RANBP3: variants seen among roughly 807,000 people sequenced by gnomAD.
The protein encoded by RANBP3 is ran-binding protein 3.
Under a neutral mutation model 77.3 loss-of-function variants are expected in RANBP3, and 14 were observed. That is an observed-to-expected ratio of 0.18 (90% CI 0.12 to 0.28). The LOEUF (loss-of-function observed/expected upper bound fraction) is 0.28, where lower values mean the gene tolerates loss of function less well. RANBP3 is among the 10% of genes least tolerant of loss of function. The pLI is 1.00. For synonymous variants in RANBP3, 315 were observed against 312.4 expected (o/e 1.01, Z -0.09); for missense variants, 586 against 752.3 (o/e 0.78, Z 2.59).
chr19:5,940,728 C>A (rs1235299083), intron 5 of RANBP3, among the ~76,000 whole-genome samples: 1 of 152,202 alleles, frequency 6.6e-6, no homozygotes, highest in Non-Finnish European at 1.5e-5. Context: ...AACCAGAGAA[C>A]CTGTCTAAAC....
At chr19:5,935,024 G>A (rs12976797) in intron 5 of RANBP3, among the ~76,000 whole-genome samples, 3,010 of 152,288 alleles carry the variant, frequency 0.02, 43 homozygotes, top group Non-Finnish European at 0.032. Context: ...TTTTTGGGAT[G>A]ATGGAAATGT....
At chr19:5,919,324 C>T (rs183627501) in intron 14 of RANBP3, among the ~76,000 whole-genome samples, 37 of 152,318 alleles carry the variant, frequency 2.4e-4, no homozygotes, top group Admixed American at 5.9e-4. Context: ...TCCTGCCAGC[C>T]GCCTCTCCCC....
At chr19:5,955,837 C>T (rs1451660810) in intron 2 of RANBP3, among the ~76,000 whole-genome samples, 2 of 152,206 alleles carry the variant, frequency 1.3e-5, no homozygotes, top group South Asian at 2.1e-4. Flanking sequence ...CTTGTTGGCT[C>T]ATGCCCACAA....
At chr19:5,934,520 T>C (rs2058038355) in intron 5 of RANBP3, 1 of 152,250 alleles carries the variant, frequency 6.6e-6, no homozygotes, top group Non-Finnish European at 1.5e-5. Context: ...TGGGAATACA[T>C]TTCACAAGAT....
intron 6 of RANBP3, chr19:5,932,799 G>C (rs1000333493): frequency 4.1e-6 from 2 of 493,758 alleles, no homozygotes; most frequent in African/African-American, 4.0e-5. Flanking sequence ...GTAACGTGGC[G>C]GGGCGCCGGC....
At chr19:5,960,983 C>A (rs1376273991) in intron 1 of RANBP3, among the ~76,000 whole-genome samples, 1 of 152,216 alleles carries the variant, frequency 6.6e-6, no homozygotes, top group Non-Finnish European at 1.5e-5. Context: ...GAACAGAAAG[C>A]CAGGGTGGAG....
intron 5 of RANBP3, among the ~76,000 whole-genome samples, chr19:5,937,055 CCAAA>C (rs1307145754): frequency 1.5e-3 from 11 of 7,156 alleles, no homozygotes; most frequent in African/African-American, 8.4e-3. Flanking sequence ...GACTCTGTCT[CCAAA>C]AAAAAAAAAA....
At chr19:5,922,321 T>C (rs2057832508) in intron 13 of RANBP3, among the ~76,000 whole-genome samples, 1 of 152,178 alleles carries the variant, frequency 6.6e-6, no homozygotes, top group Non-Finnish European at 1.5e-5. Context: ...TCTTTCAACA[T>C]GAACAGATGA....
rs2057751006 is a variant in RANBP3 at position 5,917,286 on chromosome 19, C to CA, written c.*323dup. 2.4e-6 allele frequency: 1 copy of CA among 408,930 alleles called. No individual in the cohort carries two copies. Among genetic ancestry groups the CA allele is most frequent in the African/African-American group, 2.1e-5 (1 of 47,986 alleles). 25.3% of individuals were successfully genotyped at this position (408,930 alleles called of 1,614,324 possible). A position where few individuals can be genotyped will look rare whatever the true frequency, so the allele number is the denominator to read the frequency against. ...TCTGGCTGGACCCAGAGGCTGGCGACACGCGGGGTGAAGGAACGAGGTCTC... is the reference window on the plus strand; with the variant it reads ...TCTGGCTGGACCCAGAGGCTGGCGACAACGCGGGGTGAAGGAACGAGGTCTC... On this transcript the variant is annotated 3_prime_UTR_variant, in exon 17 of 17. Transcript: ENST00000340578.
In RANBP3 at chr19:5,917,403, A is replaced by G. The variant is rs2057752532; in HGVS notation, c.*207T>C. Reference sequence around the variant, plus strand: ...AATGTTCTTGTTTGTTCGCTCATCAATATGATGAGGTCTCGTGTCCCAAAC... The same window carrying G: ...AATGTTCTTGTTTGTTCGCTCATCAGTATGATGAGGTCTCGTGTCCCAAAC... On this transcript the variant is annotated 3_prime_UTR_variant, in exon 17 of 17. Coordinates refer to ENST00000340578, the MANE Select transcript of RANBP3 (RefSeq NM_007322.3). 1.8e-6 allele frequency: 1 copy of G among 552,678 alleles called. No homozygotes were observed. Among genetic ancestry groups the G allele is most frequent in the African/African-American group, 1.9e-5 (1 of 52,790 alleles). 34.2% of individuals were successfully genotyped at this position (552,678 alleles called of 1,614,324 possible). A position where few individuals can be genotyped will look rare whatever the true frequency, so the allele number is the denominator to read the frequency against.
chr19:5,948,671 G>A (rs376400605), intron 3 of RANBP3, among the ~76,000 whole-genome samples: 23 of 152,322 alleles, frequency 1.5e-4, no homozygotes, highest in African/African-American at 5.1e-4. Flanking sequence ...AAAAGCAAGT[G>A]AGAGGTGGCT....
At chr19:5,923,344 C>T (rs577600549) in intron 12 of RANBP3, 41 bp from the exon 13 acceptor site, 56 of 1,583,672 alleles carry the variant, frequency 3.5e-5, no homozygotes, top group Middle Eastern at 1.7e-4. Context: ...GATTATTTGG[C>T]GAGAGGAGAG....
intron 15 of RANBP3, 109 bp downstream of exon 15, chr19:5,918,387 A>AGGGGGGGGGGGGGGGGCGGGGGGGGGGG: frequency 1.9e-6 from 1 of 529,920 alleles, no homozygotes; most frequent in Non-Finnish European, 3.0e-6. Context: ...AAGCAACTGA[A>AGGGGGGGGGGGGGGGGCGGGGGGGGGGG]GCCCCTCCCC....
At chr19:5,971,967 T>C (rs1023636518) in intron 1 of RANBP3, among the ~76,000 whole-genome samples, 64 of 152,246 alleles carry the variant, frequency 4.2e-4, no homozygotes, top group African/African-American at 1.5e-3. Context: ...TGTGCAAGAA[T>C]GCAGGCCAAG....
chr19:5,961,731 C>CACAAAACAAA (rs2058404741), intron 1 of RANBP3, among the ~76,000 whole-genome samples: 1 of 135,106 alleles, frequency 7.4e-6, no homozygotes, highest in African/African-American at 3.1e-5. Context: ...GAAACTCTGT[C>CACAAAACAAA]TCAAAACAAA....
intron 5 of RANBP3, among the ~76,000 whole-genome samples, chr19:5,938,427 C>T (rs1466412196): frequency 1.3e-5 from 2 of 152,150 alleles, no homozygotes; most frequent in Non-Finnish European, 2.9e-5. Context: ...TGGTGGCTCA[C>T]GCCTGTAATC....
At chr19:5,961,935 A>G (rs2058407945) in intron 1 of RANBP3, among the ~76,000 whole-genome samples, 2 of 151,550 alleles carry the variant, frequency 1.3e-5, no homozygotes, top group Non-Finnish European at 2.9e-5. Flanking sequence ...CACTACCAAG[A>G]GCGCGTGGTT....
In RANBP3 at chr19:5,925,711, G is replaced by A. The variant is rs772618343; in HGVS notation, c.840C>T (p.Ala280=). The part of the protein sequence containing the change: ...VKLINESVDE[A]DMENAGHPSA... ...TGGGGTGTCCAGCATTCTCCATGTCGGCTTCGTCCACGCTCTCATTTATCA... is the reference window on the plus strand; with the variant it reads ...TGGGGTGTCCAGCATTCTCCATGTCAGCTTCGTCCACGCTCTCATTTATCA... Residue 280 remains alanine (A), a synonymous_variant, in exon 10 of 17, where the codon GCC becomes GCT. Transcript: ENST00000340578. 26 of 1,613,844 alleles carry A rather than the reference G, an allele frequency of 1.6e-5. No individual in the cohort carries two copies. Among genetic ancestry groups the A allele is most frequent in the Admixed American group, 5.0e-5 (3 of 59,988 alleles).
Position 5,917,501 on chromosome 19 carries a change from T to A in RANBP3, c.*109A>T. Reference sequence around the variant, plus strand: ...CCAGACTGTGGCCGGCCCAGTGGGGTGTGTGGTTCCCGGCCCCGCACCTGG... The same window carrying A: ...CCAGACTGTGGCCGGCCCAGTGGGGAGTGTGGTTCCCGGCCCCGCACCTGG... On this transcript the variant is annotated 3_prime_UTR_variant, in exon 17 of 17. Transcript: ENST00000340578. The A allele has an allele frequency of 3.2e-6, 4 of 1,253,964 alleles. No individual in the cohort carries two copies. Among genetic ancestry groups the A allele is most frequent in the Non-Finnish European group, 4.3e-6 (4 of 921,768 alleles). The allele number at this position is 1,253,964 out of a possible 1,614,324, so 77.7% of individuals were successfully genotyped here. A position where few individuals can be genotyped will look rare whatever the true frequency, so the allele number is the denominator to read the frequency against.
Sources: allele counts gnomAD v4.1 joint callset (sites outside exome capture counted in the v4.1 genomes callset), GRCh38; gene constraint gnomAD v4.1.1; transcripts MANE v1.5; gene names NCBI Gene and HGNC (gene_info 2026-07-23, HGNC 2026-07-21).